Variants in POLA1 observed in about 807,000 individuals in gnomAD.
The protein encoded by POLA1 is DNA polymerase alpha catalytic subunit.
A neutral mutation model predicts 124.0 loss-of-function variants in POLA1; 15 were observed. The ratio of observed to expected loss-of-function variants is 0.12; its 90% CI spans 0.08 to 0.19. The LOEUF is 0.19. POLA1 is among the 10% of genes least tolerant of loss of function. The probability of loss-of-function intolerance (pLI) is 1.00; values close to 1 mark genes in which losing one functional copy is unlikely to be tolerated. For synonymous variants in POLA1, 408 were observed against 389.4 expected (o/e 1.05, Z -0.56); for missense variants, 886 against 1,103.4 (o/e 0.80, Z 2.79).
chrX:24,902,991 G>T (rs1414065077), intron 35 of POLA1, among the ~76,000 whole-genome samples: 1 of 112,447 alleles, frequency 8.9e-6, no homozygotes, highest in Non-Finnish European at 1.9e-5. Flanking sequence ...CGTAGAGAAT[G>T]GAAGGTTATC....
intron 26 of POLA1, among the ~76,000 whole-genome samples, chrX:24,784,394 A>G (rs1449371207): frequency 9.0e-6 from 1 of 111,277 alleles, no homozygotes; most frequent in Non-Finnish European, 1.9e-5. Context: ...TGCCTAGATG[A>G]TGTAAAATAC....
At chrX:24,862,757 T>G (rs1342380012) in intron 34 of POLA1, among the ~76,000 whole-genome samples, 1 of 112,296 alleles carries the variant, frequency 8.9e-6, no homozygotes. Flanking sequence ...TGGGCAATTT[T>G]CTATAATCCA....
intron 4 of POLA1, among the ~76,000 whole-genome samples, chrX:24,707,547 C>G (rs1312642725): frequency 1.8e-5 from 2 of 112,141 alleles, no homozygotes; most frequent in Non-Finnish European, 3.8e-5. Flanking sequence ...GTTTTAGTGT[C>G]CATTACTAGG....
chrX:24,719,358 T>C (rs770845211), intron 10 of POLA1, among the ~76,000 whole-genome samples: 1 of 111,970 alleles, frequency 8.9e-6, no homozygotes, highest in East Asian at 2.8e-4. Flanking sequence ...TTGAGCCACT[T>C]GAGTAGCACA....
chrX:24,824,655 A>G, intron 31 of POLA1, among the ~76,000 whole-genome samples: 1 of 109,421 alleles, frequency 9.1e-6, no homozygotes. Flanking sequence ...CCAATACGAC[A>G]TAGCAAAACC....
chrX:24,952,919 T>C (rs764378132), intron 36 of POLA1, among the ~76,000 whole-genome samples: 4 of 112,250 alleles, frequency 3.6e-5, no homozygotes, highest in Admixed American at 1.9e-4. Context: ...ATTCATATTT[T>C]TGTTATTTGG....
intron 32 of POLA1, among the ~76,000 whole-genome samples, chrX:24,829,558 A>T (rs372580871): frequency 5.3e-5 from 6 of 112,310 alleles, no homozygotes; most frequent in African/African-American, 1.9e-4. Context: ...CATCATGAAG[A>T]TCTGTAGAAA....
intron 8 of POLA1, 133 bp from the exon 9 acceptor site, chrX:24,717,157 T>C (rs1929895108): frequency 5.2e-6 from 3 of 576,627 alleles, no homozygotes; most frequent in African/African-American, 2.3e-5. Flanking sequence ...TAAAGAGAAA[T>C]GCAAACATAG....
chrX:24,751,757 T>G (rs972452880), intron 26 of POLA1, among the ~76,000 whole-genome samples: 6 of 112,274 alleles, frequency 5.3e-5, no homozygotes, highest in Non-Finnish European at 9.4e-5. Context: ...TATCTTTCTT[T>G]GGGTTAGCGT....
chrX:24,956,571 T>C (rs1009508734), intron 36 of POLA1, among the ~76,000 whole-genome samples: 1 of 110,826 alleles, frequency 9.0e-6, no homozygotes, highest in African/African-American at 3.3e-5. Flanking sequence ...CTACATTCTA[T>C]ATCCCCCGCC....
Position 24,724,379 on chromosome X carries a change from A to G in POLA1, c.1245A>G (p.Ser415=), listed in dbSNP as rs2148358160. 1 of 1,146,438 alleles carries G rather than the reference A, an allele frequency of 8.7e-7. No individual in the cohort carries two copies. 94.5% of individuals were successfully genotyped at this position (1,146,438 alleles called of 1,213,427 possible). A position where few individuals can be genotyped will look rare whatever the true frequency, so the allele number is the denominator to read the frequency against. Residue 415 remains serine (S), a synonymous_variant, in exon 12 of 37, where the codon TCA becomes TCG. Transcript: ENST00000379068. ...NTGKETGTPI[S]MKDVYEEFDE... is the part of the protein sequence containing the mutation. ...GGAAAGAAACAGGAACTCCAATTTC[A>G]ATGAAGGATGTTTATGAGGAATTTG...
intron 34 of POLA1, among the ~76,000 whole-genome samples, chrX:24,866,503 C>T (rs750895915): frequency 1.8e-5 from 2 of 111,992 alleles, no homozygotes; most frequent in South Asian, 7.4e-4. Flanking sequence ...TTTGAAACTT[C>T]ACTTCTGTTT....
chrX:24,995,727 T>G (rs185918427), intron 36 of POLA1, 78 bp from the exon 37 acceptor site: 1 of 886,477 alleles, frequency 1.1e-6, no homozygotes, highest in East Asian at 3.2e-5. Flanking sequence ...GGAATCAGCA[T>G]CCCCTTCTCT....
intron 26 of POLA1, chrX:24,788,771 T>C: frequency 1.7e-6 from 2 of 1,202,099 alleles, no homozygotes; most frequent in Non-Finnish European, 2.3e-6. Flanking sequence ...GAGGTCAATG[T>C]CATCATCATC....
chrX:24,862,716 C>A (rs1477853695), intron 34 of POLA1, among the ~76,000 whole-genome samples: 1 of 112,029 alleles, frequency 8.9e-6, no homozygotes, highest in Non-Finnish European at 1.9e-5. Flanking sequence ...AAGAGAGAGA[C>A]AAGAATGTGC....
At chrX:24,951,632 G>C (rs1383482069) in intron 36 of POLA1, among the ~76,000 whole-genome samples, 1 of 110,653 alleles carries the variant, frequency 9.0e-6, no homozygotes, top group Non-Finnish European at 1.9e-5. Context: ...CCCATTTCTT[G>C]TTATTTTAAA....
At chrX:24,961,354 TTTC>T (rs1239992698) in intron 36 of POLA1, among the ~76,000 whole-genome samples, 2 of 111,731 alleles carry the variant, frequency 1.8e-5, no homozygotes, top group Non-Finnish European at 3.8e-5. Flanking sequence ...ACTGAAAATA[TTTC>T]TTTTTTGATG....
chrX:24,952,375 G>C lies in POLA1; in HGVS notation c.4261+21826G>C, dbSNP rs142237167. ...AGAATTAGTAGCACAAAGAAGGCTG[G>C]TTGCATAGTATGTACCTCCATGATG... On this transcript the variant is annotated intron_variant, in intron 36 of 36. Transcript: ENST00000379068. Among the ~76,000 whole-genome samples, 43 of 111,989 alleles carry C rather than the reference G, an allele frequency of 3.8e-4. No homozygotes were observed. In the East Asian group the frequency reaches 0.011, roughly 28 times the overall value.
chrX:24,910,548 A>C (rs2047435471), intron 35 of POLA1, among the ~76,000 whole-genome samples: 1 of 112,019 alleles, frequency 8.9e-6, no homozygotes. Context: ...TTAAAAGTAG[A>C]AAATGGCAAA....
Sources: allele counts gnomAD v4.1 joint callset (sites outside exome capture counted in the v4.1 genomes callset), GRCh38; gene constraint gnomAD v4.1.1; transcripts MANE v1.5; gene names NCBI Gene and HGNC (gene_info 2026-07-23, HGNC 2026-07-21).